CCSER1: variants seen among roughly 807,000 people sequenced by gnomAD.
The protein encoded by CCSER1 is serine-rich coiled-coil domain-containing protein 1.
In CCSER1, 41 loss-of-function variants were observed where a neutral mutation model predicts 82.0. That is an observed-to-expected ratio of 0.50 (90% CI 0.39 to 0.65). The LOEUF is 0.65. Among genes scored for constraint, CCSER1 ranks in the 30% least tolerant of loss-of-function variants. The probability of loss-of-function intolerance (pLI) is 0.00; values close to 1 mark genes in which losing one functional copy is unlikely to be tolerated. For missense variants in CCSER1, 1,119 were observed against 1,064.2 expected (o/e 1.05, Z -0.72); for synonymous variants, 414 against 383.9 (o/e 1.08, Z -0.92).
intron 10 of CCSER1, among the ~76,000 whole-genome samples, chr4:91,579,258 G>A (rs1763610024): frequency 1.3e-5 from 2 of 151,194 alleles, no homozygotes; most frequent in African/African-American, 2.4e-5. Flanking sequence ...CACATTCAGG[G>A]GGTACATGTG....
chr4:91,102,865 T>C (rs1367768572), intron 10 of CCSER1, among the ~76,000 whole-genome samples: 1 of 152,234 alleles, frequency 6.6e-6, no homozygotes, highest in Non-Finnish European at 1.5e-5. Context: ...TGAACTCTTA[T>C]GATTCCCTTC....
intron 9 of CCSER1, among the ~76,000 whole-genome samples, chr4:90,931,718 A>T (rs932124234): frequency 1.3e-5 from 2 of 152,022 alleles, no homozygotes; most frequent in Admixed American, 1.3e-4. Flanking sequence ...TGACAACTCT[A>T]CTTGTACTTG....
chr4:91,353,334 A>G (rs952575963), intron 10 of CCSER1, among the ~76,000 whole-genome samples: 17 of 152,186 alleles, frequency 1.1e-4, no homozygotes, highest in Admixed American at 5.9e-4. Context: ...GGCTGCATGC[A>G]CCAGTGGTCA....
At chr4:90,204,765 T>A (rs1738462180) in intron 1 of CCSER1, among the ~76,000 whole-genome samples, 1 of 152,226 alleles carries the variant, frequency 6.6e-6, no homozygotes. Context: ...TAGCATTGAA[T>A]CTATAAATTA....
At chr4:90,846,476 A>G (rs1580754150) in intron 8 of CCSER1, among the ~76,000 whole-genome samples, 1 of 102,676 alleles carries the variant, frequency 9.7e-6, no homozygotes, top group African/African-American at 3.0e-5. Flanking sequence ...GTATAGGTAC[A>G]TGTGATATTT....
intron 10 of CCSER1, among the ~76,000 whole-genome samples, chr4:91,232,933 T>C (rs752024145): frequency 7.2e-5 from 11 of 151,896 alleles, no homozygotes; most frequent in Middle Eastern, 3.4e-3. Context: ...TGTAGACATA[T>C]ACATGGGTAG....
intron 10 of CCSER1, among the ~76,000 whole-genome samples, chr4:91,294,676 C>T (rs534581631): frequency 6.6e-6 from 1 of 151,958 alleles, no homozygotes; most frequent in African/African-American, 2.4e-5. Context: ...TAGTCTCTCC[C>T]CCTGTTTCCG....
intron 10 of CCSER1, among the ~76,000 whole-genome samples, chr4:91,375,562 C>G (rs1750352949): frequency 6.6e-6 from 1 of 151,018 alleles, no homozygotes; most frequent in African/African-American, 2.4e-5. Context: ...CTTAAACTCC[C>G]TTTAAGCACA....
At chr4:91,120,602 A>C (rs1243280096) in intron 10 of CCSER1, among the ~76,000 whole-genome samples, 1 of 151,982 alleles carries the variant, frequency 6.6e-6, no homozygotes, top group Non-Finnish European at 1.5e-5. Context: ...AGTACTTGTG[A>C]AAATTCTTCC....
intron 10 of CCSER1, among the ~76,000 whole-genome samples, chr4:91,145,996 C>A (rs1387126828): frequency 6.6e-6 from 1 of 152,108 alleles, no homozygotes; most frequent in African/African-American, 2.4e-5. Flanking sequence ...GCATGCTATC[C>A]TCTCTAGAAA....
chr4:90,254,721 G>A (rs768455108), intron 1 of CCSER1, among the ~76,000 whole-genome samples: 2 of 152,060 alleles, frequency 1.3e-5, no homozygotes, highest in Non-Finnish European at 2.9e-5. Flanking sequence ...AGTTGAGCTG[G>A]GTAGGAGGGA....
chr4:90,932,986 A>G (rs367557568), intron 9 of CCSER1, among the ~76,000 whole-genome samples: 527 of 29,060 alleles, frequency 0.018, 97 homozygotes, highest in Admixed American at 0.034. Flanking sequence ...AAGAAAGAGA[A>G]AGAAAGAAAG....
intron 9 of CCSER1, among the ~76,000 whole-genome samples, chr4:90,973,118 A>G (rs1035462045): frequency 1.1e-4 from 17 of 151,726 alleles, no homozygotes; most frequent in African/African-American, 2.9e-4. Context: ...ATTTTGGGAC[A>G]TGACCCCTAA....
At chr4:91,175,830 T>G (rs527944548) in intron 10 of CCSER1, among the ~76,000 whole-genome samples, 53 of 152,328 alleles carry the variant, frequency 3.5e-4, no homozygotes, top group Admixed American at 1.0e-3. Flanking sequence ...TTAGTTTAAT[T>G]AGATCCCATT....
At chr4:90,846,514 C>G (rs567593710) in intron 8 of CCSER1, among the ~76,000 whole-genome samples, 1 of 152,038 alleles carries the variant, frequency 6.6e-6, no homozygotes, top group Admixed American at 6.6e-5. Flanking sequence ...GTTTAATGAT[C>G]AAATCAAGGC....
intron 5 of CCSER1, among the ~76,000 whole-genome samples, chr4:90,537,303 C>T (rs939629464): frequency 1.3e-5 from 2 of 152,048 alleles, no homozygotes; most frequent in Non-Finnish European, 2.9e-5. Flanking sequence ...TTCTCTCTGA[C>T]CCTTTTACTT....
At chr4:90,926,122 CAAT>C (rs1729033119) in intron 9 of CCSER1, among the ~76,000 whole-genome samples, 1 of 151,816 alleles carries the variant, frequency 6.6e-6, no homozygotes, top group Admixed American at 6.6e-5. Context: ...ATTTTATATG[CAAT>C]AATAATCATT....
intron 5 of CCSER1, among the ~76,000 whole-genome samples, chr4:90,515,105 C>G (rs1772084388): frequency 1.3e-5 from 2 of 152,094 alleles, no homozygotes; most frequent in African/African-American, 4.8e-5. Context: ...ATCTGCCTGC[C>G]TTGGCCTCCC....
At chr4:90,661,720 A>T (rs913667834) in intron 6 of CCSER1, among the ~76,000 whole-genome samples, 1 of 152,054 alleles carries the variant, frequency 6.6e-6, no homozygotes, top group African/African-American at 2.4e-5. Flanking sequence ...ATCGTATGCT[A>T]TTGGTCTTAC....
Sources: gnomAD v4.1 joint callset for allele counts (sites outside exome capture counted in the v4.1 genomes callset) on GRCh38, gnomAD v4.1.1 for gene constraint, MANE v1.5 for transcripts, NCBI Gene and HGNC (gene_info 2026-07-23, HGNC 2026-07-21) for gene names.